The following ESPN variants were observed in gnomAD, a reference collection of about 807,000 sequenced individuals.
ESPN encodes the protein autosomal recessive deafness type 36 protein.
A neutral mutation model predicts 77.7 loss-of-function variants in ESPN; 68 were observed. The ratio of observed to expected loss-of-function variants is 0.87; its 90% CI spans 0.72 to 1.07. The LOEUF (loss-of-function observed/expected upper bound fraction) is 1.07, where lower values mean the gene tolerates loss of function less well. ESPN is among the 50% of genes least tolerant of loss of function. The pLI is 0.00. For synonymous variants in ESPN, 449 were observed against 567.1 expected, an observed-to-expected ratio of 0.79 and a Z score of 2.96; for missense variants, 1,060 against 1,239.0, an observed-to-expected ratio of 0.86 and a Z score of 2.17.
In ESPN at chr1:6,445,913, A is replaced by C. The variant is rs2148527918; in HGVS notation, c.1442A>C (p.Glu481Ala). ...ACCAAGAACAAACTCCGCCACGTGG[A>C]GACAGAGGCCCTCAAGAAGGAGGTA... is the stretch of plus-strand genomic sequence containing the variant. ...MQTKNKLRHV[E>A]TEALKKELSS... Residue 481 changes from glutamate to alanine, a missense_variant, in exon 7 of 13, where the codon GAG becomes GCG. By Grantham distance (107) the Glu-to-Ala change is moderately radical. Around this residue, in one of 3 missense-constraint regions of ESPN, gnomAD observed 130 missense variants for 223.9 expected, o/e 0.58. Transcript: ENST00000645284. 1 of 1,612,306 alleles carries C rather than the reference A, an allele frequency of 6.2e-7. No homozygotes were observed. Among genetic ancestry groups the C allele is most frequent in the East Asian group, 2.2e-5 (1 of 44,820 alleles).
intron 2 of ESPN, among the ~76,000 whole-genome samples, chr1:6,429,230 G>A (rs376049864): frequency 1.3e-5 from 2 of 152,068 alleles, no homozygotes; most frequent in Non-Finnish European, 2.9e-5. Flanking sequence ...GGAGTGGGGT[G>A]CTCTGATGGG....
At chr1:6,443,971 C>A (rs1484885801) in intron 5 of ESPN, among the ~76,000 whole-genome samples, 2 of 152,206 alleles carry the variant, frequency 1.3e-5, no homozygotes, top group African/African-American at 4.8e-5. Context: ...TCTGGCTGCC[C>A]ATCACTGCAG....
At chr1:6,438,544 C>G (rs1340304775) in intron 2 of ESPN, among the ~76,000 whole-genome samples, 2 of 152,266 alleles carry the variant, frequency 1.3e-5, no homozygotes, top group Non-Finnish European at 2.9e-5. Context: ...GGAGAAGCCC[C>G]TGAGACACAT....
intron 2 of ESPN, among the ~76,000 whole-genome samples, chr1:6,431,810 ATGGACTCATTCAACTAATGT>A (rs1309108710): frequency 2.6e-5 from 4 of 152,172 alleles, no homozygotes; most frequent in Non-Finnish European, 5.9e-5. Context: ...CATTTTACAG[ATGGACTCATTCAACTAATGT>A]TTATTGAGCA....
chr1:6,441,964 G>A (rs749118073), intron 5 of ESPN, among the ~76,000 whole-genome samples: 2 of 152,228 alleles, frequency 1.3e-5, no homozygotes, highest in Non-Finnish European at 2.9e-5. Context: ...ACTTCCCCCC[G>A]CGAAAGAGTC....
In ESPN at chr1:6,451,960, C is replaced by G. The variant is rs563809513; in HGVS notation, c.2189C>G (p.Pro730Arg). ...LVPVPPTTPAPGVQLDVEALI... is the reference protein window; with the variant it reads ...LVPVPPTTPARGVQLDVEALI... The stretch of plus-strand genomic sequence containing the variant: ...CCCGTGCCGCCCACTACTCCTGCGC[C>G]GGGAGTGCAGCTGGACGTGGAGGCT... The change falls in exon 10 of 13, where the codon CCG (proline) becomes CGG (arginine). Residue 730 changes from proline to arginine, a missense_variant. Around this residue, in one of 3 missense-constraint regions of ESPN, gnomAD observed 374 missense variants for 381.4 expected, o/e 0.98. Transcript: ENST00000645284. The surrounding 1 kb of genome is among the most constrained non-coding windows in gnomAD (Gnocchi z 4.3). 5 of 1,610,764 alleles carry G rather than the reference C, an allele frequency of 3.1e-6. No individual in the cohort carries two copies. Among genetic ancestry groups the G allele is most frequent in the East Asian group, 2.2e-5 (1 of 44,778 alleles).
intron 2 of ESPN, among the ~76,000 whole-genome samples, chr1:6,432,505 G>T (rs1022530552): frequency 6.6e-6 from 1 of 152,334 alleles, no homozygotes; most frequent in East Asian, 1.9e-4. Flanking sequence ...CACAGCAGGA[G>T]ACCATCTCAT....
chr1:6,448,368 C>G, intron 7 of ESPN: 1 of 413,502 alleles, frequency 2.4e-6, no homozygotes, highest in East Asian at 4.3e-5. Flanking sequence ...CCCCTGGGCC[C>G]GCCTCTTCTG....
intron 10 of ESPN, among the ~76,000 whole-genome samples, chr1:6,453,802 G>A (rs992784401): frequency 6.6e-6 from 1 of 152,122 alleles, no homozygotes; most frequent in Non-Finnish European, 1.5e-5. Flanking sequence ...GGCAGGCCCA[G>A]GGGGAAAACT....
chr1:6,457,048 C>T, intron 10 of ESPN, 136 bp from the exon 11 acceptor site: 1 of 885,612 alleles, frequency 1.1e-6, no homozygotes, highest in South Asian at 1.5e-5. Context: ...TGACCAGGCA[C>T]CTCCATCCAC....
At chr1:6,436,812 C>G (rs1484248944) in intron 2 of ESPN, among the ~76,000 whole-genome samples, 1 of 152,156 alleles carries the variant, frequency 6.6e-6, no homozygotes, top group African/African-American at 2.4e-5. Flanking sequence ...CATTTTGGTC[C>G]TTATGCTCAT....
intron 10 of ESPN, chr1:6,455,386 G>A (rs1172460448): frequency 1.0e-5 from 4 of 387,550 alleles, no homozygotes; most frequent in African/African-American, 6.2e-5. Context: ...GCGGCTGCCG[G>A]TGCTGGCCCG....
At position 6,440,817 on chromosome 1, in the gene ESPN, G is replaced by T; in HGVS notation, c.858+9G>T. On this transcript the variant is annotated intron_variant, in intron 4 of 12. Transcript: ENST00000645284. ...AGAACGGGGAGCTAGAGGTCAGCGC[G>T]GGCCCGGGGTGGGGGCGCGCGCCCT... is the stretch of plus-strand genomic sequence containing the variant. The T allele has an allele frequency of 6.1e-6, 9 of 1,469,246 alleles. No homozygotes were observed. Among genetic ancestry groups the T allele is most frequent in the Non-Finnish European group, 8.0e-6 (9 of 1,119,568 alleles). The allele number at this position is 1,469,246 out of a possible 1,614,324, so 91.0% of individuals were successfully genotyped here. A position where few individuals can be genotyped will look rare whatever the true frequency, so the allele number is the denominator to read the frequency against.
At position 6,450,713 on chromosome 1, in the gene ESPN, C is replaced by T. The variant is rs1245134377; in HGVS notation, c.1916-890C>T. ...GCCTAAATAAATGAGCCAGCCACACCGATTTTCCCTTTCTCCTACTCTTCT... is the reference window on the plus strand; with the variant it reads ...GCCTAAATAAATGAGCCAGCCACACTGATTTTCCCTTTCTCCTACTCTTCT... On this transcript the variant is annotated intron_variant, in intron 8 of 12. Coordinates refer to ENST00000645284, the MANE Select transcript of ESPN (RefSeq NM_031475.3). This position sits in a 1 kb window ranked among gnomAD's most constrained non-coding sequence, Gnocchi z 4.3. 2.6e-5 allele frequency among the ~76,000 whole-genome samples: 4 copies of T among 152,054 alleles called. No homozygotes were observed. The highest frequency in any genetic ancestry group is 2.1e-4 in the South Asian group (1 of 4,826).
intron 5 of ESPN, among the ~76,000 whole-genome samples, chr1:6,443,768 A>T (rs1323144461): frequency 6.6e-6 from 1 of 152,160 alleles, no homozygotes; most frequent in Non-Finnish European, 1.5e-5. Flanking sequence ...TTAGGCAGGG[A>T]GGGGGCATGG....
At chr1:6,443,460 T>C (rs1016133100) in intron 5 of ESPN, among the ~76,000 whole-genome samples, 1 of 152,244 alleles carries the variant, frequency 6.6e-6, no homozygotes, top group African/African-American at 2.4e-5. Context: ...CACCCACTGC[T>C]GTTGGCCAGG....
At chr1:6,430,979 C>T (rs779976707) in intron 2 of ESPN, among the ~76,000 whole-genome samples, 1 of 152,114 alleles carries the variant, frequency 6.6e-6, no homozygotes, top group Non-Finnish European at 1.5e-5. Context: ...GGGCAAAGAG[C>T]AGGTGGCCCC....
rs1202576065 is a variant in ESPN at position 6,444,503 on chromosome 1, C to A, written c.1013C>A (p.Ser338Tyr). 1.2e-6 allele frequency: 2 copies of A among 1,614,238 alleles called. No homozygotes were observed. Among genetic ancestry groups the A allele is most frequent in the South Asian group, 2.2e-5 (2 of 91,090 alleles). ...CAGAGCGTGGAGCACCGCGTGCTTT[C>A]CCGGGATCCATCCGCAGAGCTGGAG... The part of the protein sequence containing the change: ...ENLSVEHRVL[S>Y]RDPSAELEAK... Residue 338 changes from serine (S) to tyrosine (Y), a missense_variant, in exon 6 of 13, where the codon TCC (serine) becomes TAC (tyrosine). Physicochemically the swap from Ser to Tyr is moderately radical, Grantham distance 144. Transcript: ENST00000645284.
intron 10 of ESPN, chr1:6,455,752 C>T: frequency 2.5e-6 from 1 of 399,026 alleles, no homozygotes; most frequent in Middle Eastern, 6.3e-4. Flanking sequence ...GGCAGCCACC[C>T]GTGGGAGCGC....
Sources: gnomAD v4.1 joint callset for allele counts (sites outside exome capture counted in the v4.1 genomes callset) on GRCh38, gnomAD v4.1.1 for gene constraint, gnomAD v4.1.1 regional missense constraint, Gnocchi (gnomAD v3.1) non-coding constraint, MANE v1.5 for transcripts, NCBI Gene and HGNC (gene_info 2026-07-23, HGNC 2026-07-21) for gene names.